The following PLEKHA5 variants were observed in gnomAD, a reference collection of about 807,000 sequenced individuals.
PLEKHA5 encodes the protein pleckstrin homology domain-containing family A member 5.
PLEKHA5 carries 55 observed loss-of-function variants against 181.9 expected under a neutral mutation model. The observed-to-expected ratio is 0.30, with a 90% CI of 0.24 to 0.38. The LOEUF (loss-of-function observed/expected upper bound fraction) is 0.38. Ranked by LOEUF, PLEKHA5 falls within the 10% of genes least tolerant of loss-of-function variation. The pLI is 1.00. For synonymous variants in PLEKHA5, 535 were observed against 529.4 expected (o/e 1.01, Z -0.15); for missense variants, 1,432 against 1,549.5 (o/e 0.92, Z 1.27).
At chr12:19,287,640 G>T (rs2077506209) in intron 13 of PLEKHA5, 84 bp downstream of exon 13, 1 of 778,626 alleles carries the variant, frequency 1.3e-6, no homozygotes, top group Non-Finnish European at 2.2e-6. Flanking sequence ...TTTTAAGTTT[G>T]AATTTTCAGA....
At chr12:19,213,216 A>T (rs1015241985) in intron 3 of PLEKHA5, among the ~76,000 whole-genome samples, 11 of 151,922 alleles carry the variant, frequency 7.2e-5, no homozygotes, top group African/African-American at 2.2e-4. Context: ...CTGCCCAAGG[A>T]TATGAGGGTG....
intron 4 of PLEKHA5, among the ~76,000 whole-genome samples, chr12:19,254,265 G>C (rs1015259119): frequency 6.6e-6 from 1 of 152,080 alleles, no homozygotes; most frequent in South Asian, 2.1e-4. Flanking sequence ...AAGAACCCGG[G>C]ATGCAAGCTT....
chr12:19,327,339 AT>A (rs1295895776), intron 20 of PLEKHA5, among the ~76,000 whole-genome samples: 10 of 148,468 alleles, frequency 6.7e-5, no homozygotes, highest in African/African-American at 2.2e-4. Flanking sequence ...TTCTCTGATG[AT>A]TAGTGATATG....
intron 20 of PLEKHA5, among the ~76,000 whole-genome samples, chr12:19,334,832 ATATATATAT>A (rs1565630057): frequency 0.051 from 1,280 of 25,322 alleles, 237 homozygotes; most frequent in East Asian, 0.13. Flanking sequence ...AAAAAAAAAT[ATATATATAT>A]ATATATATAT....
intron 3 of PLEKHA5, among the ~76,000 whole-genome samples, chr12:19,139,948 G>T (rs1245401566): frequency 6.6e-6 from 1 of 152,222 alleles, no homozygotes. Context: ...GAAAGCTGCT[G>T]CAGAAGCTGC....
intron 12 of PLEKHA5, among the ~76,000 whole-genome samples, chr12:19,286,119 G>C (rs2077162855): frequency 6.6e-6 from 1 of 152,162 alleles, no homozygotes; most frequent in Non-Finnish European, 1.5e-5. Flanking sequence ...CCCTGAACTT[G>C]ACAGCTTTCC....
intron 15 of PLEKHA5, among the ~76,000 whole-genome samples, chr12:19,302,283 T>A (rs1436189461): frequency 6.6e-6 from 1 of 152,224 alleles, no homozygotes; most frequent in Non-Finnish European, 1.5e-5. Context: ...CTGCTCTGTA[T>A]CCACCCACAC....
chr12:19,259,546 T>C (rs2067810811), intron 6 of PLEKHA5, among the ~76,000 whole-genome samples: 1 of 151,492 alleles, frequency 6.6e-6, no homozygotes, highest in South Asian at 2.1e-4. Flanking sequence ...AGGACAGGAG[T>C]TCAAGACCAG....
chr12:19,279,080 G>T (rs569065874), intron 11 of PLEKHA5, among the ~76,000 whole-genome samples: 1 of 152,264 alleles, frequency 6.6e-6, no homozygotes, highest in East Asian at 1.9e-4. Flanking sequence ...CCCAGTTTCA[G>T]TTGGCCATTG....
intron 3 of PLEKHA5, among the ~76,000 whole-genome samples, chr12:19,222,273 G>A (rs1460579718): frequency 6.6e-6 from 1 of 152,010 alleles, no homozygotes; most frequent in African/African-American, 2.4e-5. Context: ...AGTTACAGAT[G>A]GGTTGGATTT....
At chr12:19,175,576 TC>T (rs1391158906) in intron 3 of PLEKHA5, among the ~76,000 whole-genome samples, 1 of 152,204 alleles carries the variant, frequency 6.6e-6, no homozygotes, top group Non-Finnish European at 1.5e-5. Flanking sequence ...AATAATTACT[TC>T]CAGGTTTTAT....
chr12:19,139,961 TTTATCATCCAATAGA>T (rs2036791871), intron 3 of PLEKHA5, among the ~76,000 whole-genome samples: 1 of 152,208 alleles, frequency 6.6e-6, no homozygotes, highest in Admixed American at 6.5e-5. Flanking sequence ...GAAGCTGCTC[TTTATCATCCAATAGA>T]TAACAATGTT....
intron 28 of PLEKHA5, among the ~76,000 whole-genome samples, chr12:19,360,376 C>T (rs2095175194): frequency 2.0e-5 from 3 of 151,598 alleles, no homozygotes; most frequent in African/African-American, 7.3e-5. Context: ...GAGGCCAAGG[C>T]GAGTGGATCA....
chr12:19,133,415 ATTTG>A (rs1482299876), intron 3 of PLEKHA5, among the ~76,000 whole-genome samples: 1 of 150,524 alleles, frequency 6.6e-6, no homozygotes, highest in East Asian at 1.9e-4. Context: ...GTTTAACCTT[ATTTG>A]TTCTTTAATT....
At chr12:19,185,304 C>T (rs918302025) in intron 3 of PLEKHA5, among the ~76,000 whole-genome samples, 1 of 152,028 alleles carries the variant, frequency 6.6e-6, no homozygotes, top group East Asian at 1.9e-4. Flanking sequence ...TGTTCCATAC[C>T]TCCTGATCCT....
intron 3 of PLEKHA5, among the ~76,000 whole-genome samples, chr12:19,231,613 A>ATTTATAT (rs1345945535): frequency 5.0e-4 from 16 of 32,320 alleles, no homozygotes; most frequent in East Asian, 1.4e-3. Context: ...TATATATATA[A>ATTTATAT]ATACTCATAA....
intron 3 of PLEKHA5, among the ~76,000 whole-genome samples, chr12:19,165,038 A>G (rs995854389): frequency 6.6e-6 from 1 of 152,160 alleles, no homozygotes; most frequent in Admixed American, 6.5e-5. Context: ...AACCTCCCCA[A>G]AATAAAACAG....
At chr12:19,332,304 C>T (rs2092923247) in intron 20 of PLEKHA5, among the ~76,000 whole-genome samples, 1 of 152,070 alleles carries the variant, frequency 6.6e-6, no homozygotes, top group Non-Finnish European at 1.5e-5. Flanking sequence ...CCTCCTCCTG[C>T]CCAACATGCA....
intron 15 of PLEKHA5, among the ~76,000 whole-genome samples, chr12:19,298,345 T>C (rs2080467347): frequency 6.6e-6 from 1 of 152,006 alleles, no homozygotes; most frequent in Non-Finnish European, 1.5e-5. Flanking sequence ...AATTGGCCTA[T>C]TTAGTGCTCT....
Sources: gnomAD v4.1 joint callset for allele counts (sites outside exome capture counted in the v4.1 genomes callset) on GRCh38, gnomAD v4.1.1 for gene constraint, MANE v1.5 for transcripts, NCBI Gene and HGNC (gene_info 2026-07-23, HGNC 2026-07-21) for gene names.